UBL3: variants seen among roughly 807,000 people sequenced by gnomAD.
The protein encoded by UBL3 is ubiquitin like 3.
In UBL3, 6 loss-of-function variants were observed where a neutral mutation model predicts 18.4. The ratio of observed to expected loss-of-function variants is 0.33; its 90% CI spans 0.18 to 0.64. The LOEUF (loss-of-function observed/expected upper bound fraction) is 0.64. Among genes scored for constraint, UBL3 ranks in the 30% least tolerant of loss-of-function variants. The pLI, the probability that UBL3 is intolerant of heterozygous loss-of-function variation, is 0.76. For missense variants in UBL3, 109 were observed against 142.9 expected, an observed-to-expected ratio of 0.76 and a Z score of 1.21; for synonymous variants, 49 against 46.6, an observed-to-expected ratio of 1.05 and a Z score of -0.21.
At chr13:29,786,269 C>A (rs1420557259) in intron 1 of UBL3, among the ~76,000 whole-genome samples, 1 of 152,180 alleles carries the variant, frequency 6.6e-6, no homozygotes, top group African/African-American at 2.4e-5. Context: ...CCACTCTTCC[C>A]CTCACTAGGC....
At chr13:29,804,379 A>G (rs1366470305) in intron 1 of UBL3, among the ~76,000 whole-genome samples, 1 of 152,158 alleles carries the variant, frequency 6.6e-6, no homozygotes, top group Non-Finnish European at 1.5e-5. Context: ...AGTCTGAAAG[A>G]TCTCAAATTA....
chr13:29,843,417 T>C (rs1013433837), intron 1 of UBL3, among the ~76,000 whole-genome samples: 2 of 152,178 alleles, frequency 1.3e-5, no homozygotes, highest in Non-Finnish European at 2.9e-5. Context: ...CTCCATTTTT[T>C]TAAATCTTAG....
intron 1 of UBL3, among the ~76,000 whole-genome samples, chr13:29,793,500 C>T (rs1011531741): frequency 4.6e-5 from 7 of 152,124 alleles, no homozygotes; most frequent in African/African-American, 7.2e-5. Context: ...AACCCTTTGA[C>T]GTGAACTATT....
chr13:29,791,256 T>A (rs544648460), intron 1 of UBL3, among the ~76,000 whole-genome samples: 1 of 152,292 alleles, frequency 6.6e-6, no homozygotes, highest in African/African-American at 2.4e-5. Context: ...GCCCAATCCA[T>A]CCTGTACTCT....
intron 1 of UBL3, among the ~76,000 whole-genome samples, chr13:29,801,278 A>G (rs1251186076): frequency 6.6e-6 from 1 of 152,118 alleles, no homozygotes; most frequent in African/African-American, 2.4e-5. Flanking sequence ...GAACCACAGA[A>G]TAGCCATCCT....
At chr13:29,827,445 G>A (rs1878652652) in intron 1 of UBL3, among the ~76,000 whole-genome samples, 1 of 151,836 alleles carries the variant, frequency 6.6e-6, no homozygotes, top group South Asian at 2.1e-4. Flanking sequence ...TAACGGCCTT[G>A]TCTCTTTTGA....
intron 1 of UBL3, among the ~76,000 whole-genome samples, chr13:29,813,269 A>G (rs1878159678): frequency 6.6e-6 from 1 of 152,046 alleles, no homozygotes; most frequent in Non-Finnish European, 1.5e-5. Context: ...AATTGCATAG[A>G]ACGTCAGGAA....
intron 1 of UBL3, among the ~76,000 whole-genome samples, chr13:29,817,087 G>A (rs184265850): frequency 8.3e-4 from 126 of 152,260 alleles, no homozygotes; most frequent in African/African-American, 2.9e-3. Flanking sequence ...ACTGAGAACT[G>A]TTTGATTCCA....
rs1566000899 is a variant in UBL3 at position 29,835,091 on chromosome 13, T to TATATATATAAATATAA, written c.27+14420_27+14421insTTATATTTATATATAT. The stretch of plus-strand genomic sequence containing the variant: ...AGCAAATAAAATATATAAATATAAA[T>TATATATATAAATATAA]ATATATATATATATAAATATATATA... On this transcript the variant is annotated intron_variant, in intron 1 of 4. Transcript: ENST00000380680. Among the ~76,000 whole-genome samples the TATATATATAAATATAA allele has an allele frequency of 5.3e-3, 110 of 20,930 alleles. 1 individual carries two copies. Among genetic ancestry groups the TATATATATAAATATAA allele is most frequent in the Non-Finnish European group, 6.7e-3 (95 of 14,178 alleles). The allele number at this position is 20,930 out of a possible 152,430, so 13.7% of individuals were successfully genotyped here.
At chr13:29,774,354 T>C (rs532728636) in intron 2 of UBL3, among the ~76,000 whole-genome samples, 2 of 152,246 alleles carry the variant, frequency 1.3e-5, no homozygotes, top group African/African-American at 4.8e-5. Flanking sequence ...TGTGTTATGT[T>C]TTCTATAATA....
chr13:29,778,404 A>C (rs1352769618), intron 1 of UBL3, among the ~76,000 whole-genome samples: 1 of 152,232 alleles, frequency 6.6e-6, no homozygotes, highest in Non-Finnish European at 1.5e-5. Context: ...TCACAGAAAT[A>C]CAAGTGTTGT....
intron 1 of UBL3, among the ~76,000 whole-genome samples, chr13:29,778,791 C>T (rs1174116856): frequency 6.6e-6 from 1 of 152,080 alleles, no homozygotes; most frequent in Non-Finnish European, 1.5e-5. Context: ...TAAAATATCT[C>T]CCCTATAAAA....
intron 1 of UBL3, among the ~76,000 whole-genome samples, chr13:29,819,923 G>A (rs1878381620): frequency 6.6e-6 from 1 of 151,908 alleles, no homozygotes; most frequent in Non-Finnish European, 1.5e-5. Context: ...CTTTTCTATA[G>A]ACAACTGCAA....
chr13:29,781,732 T>G (rs1354658747), intron 1 of UBL3, among the ~76,000 whole-genome samples: 2 of 149,894 alleles, frequency 1.3e-5, no homozygotes, highest in African/African-American at 4.9e-5. Flanking sequence ...GGCTGTAATC[T>G]CAGCACTTTG....
chr13:29,819,725 G>A (rs1593668145), intron 1 of UBL3, among the ~76,000 whole-genome samples: 1 of 152,054 alleles, frequency 6.6e-6, no homozygotes, highest in African/African-American at 2.4e-5. Context: ...AGTTAGAAGA[G>A]AACCATATTT....
At chr13:29,827,315 T>G (rs1269240230) in intron 1 of UBL3, among the ~76,000 whole-genome samples, 1 of 152,110 alleles carries the variant, frequency 6.6e-6, no homozygotes, top group Non-Finnish European at 1.5e-5. Context: ...TGTGTGGGAG[T>G]CTAATTCTCT....
At chr13:29,779,254 T>C (rs754688334) in intron 1 of UBL3, 1 of 505,978 alleles carries the variant, frequency 2.0e-6, no homozygotes, top group South Asian at 1.5e-5. Flanking sequence ...GATACATTAC[T>C]ACTCATGGTT....
chr13:29,827,240 T>A (rs1473875459), intron 1 of UBL3, among the ~76,000 whole-genome samples: 2 of 152,198 alleles, frequency 1.3e-5, no homozygotes, highest in East Asian at 3.9e-4. Context: ...TGGATATCCT[T>A]GTTAACTTTG....
chr13:29,837,213 A>T (rs1479150337), intron 1 of UBL3, among the ~76,000 whole-genome samples: 1 of 152,228 alleles, frequency 6.6e-6, no homozygotes, highest in Non-Finnish European at 1.5e-5. Flanking sequence ...AGGAAAAAGG[A>T]TCAAATAATC....
Sources: gnomAD v4.1 joint callset for allele counts (sites outside exome capture counted in the v4.1 genomes callset) on GRCh38, gnomAD v4.1.1 for gene constraint, MANE v1.5 for transcripts, NCBI Gene and HGNC (gene_info 2026-07-23, HGNC 2026-07-21) for gene names.